TSHZ2: variants seen among roughly 807,000 people sequenced by gnomAD.
TSHZ2 encodes the protein teashirt zinc finger homeobox 2.
Under a neutral mutation model 74.4 loss-of-function variants are expected in TSHZ2, and 21 were observed. That is an observed-to-expected ratio of 0.28 (90% CI 0.20 to 0.41). The LOEUF (loss-of-function observed/expected upper bound fraction) is 0.41, where lower values mean the gene tolerates loss of function less well. TSHZ2 is among the 10% of genes least tolerant of loss of function. The pLI, the probability that TSHZ2 is intolerant of heterozygous loss-of-function variation, is 1.00. For synonymous variants in TSHZ2, 540 were observed against 515.3 expected, an observed-to-expected ratio of 1.05 and a Z score of -0.65; for missense variants, 1,244 against 1,293.5, an observed-to-expected ratio of 0.96 and a Z score of 0.59.
intron 2 of TSHZ2, among the ~76,000 whole-genome samples, chr20:53,379,483 G>A (rs528009929): frequency 2.6e-5 from 4 of 152,052 alleles, no homozygotes; most frequent in East Asian, 1.9e-4. Flanking sequence ...TTTGAGTCAC[G>A]GAAAATAACC....
At chr20:53,140,444 G>A (rs1397059908) in intron 1 of TSHZ2, among the ~76,000 whole-genome samples, 3 of 150,892 alleles carry the variant, frequency 2.0e-5, no homozygotes, top group Admixed American at 2.0e-4. Flanking sequence ...GGAGGCTGAG[G>A]CAGGAGAATG....
At chr20:53,444,765 G>C (rs1227087526) in intron 2 of TSHZ2, among the ~76,000 whole-genome samples, 1 of 152,164 alleles carries the variant, frequency 6.6e-6, no homozygotes, top group Non-Finnish European at 1.5e-5. Flanking sequence ...AGGGTGGTCT[G>C]CTTGGACAGC....
intron 1 of TSHZ2, among the ~76,000 whole-genome samples, chr20:53,051,841 A>G (rs1279585887): frequency 3.3e-5 from 5 of 152,232 alleles, no homozygotes; most frequent in African/African-American, 1.2e-4. Flanking sequence ...AATCAAAAGA[A>G]AGGTGCGAAC....
intron 2 of TSHZ2, among the ~76,000 whole-genome samples, chr20:53,280,516 C>G (rs1222407151): frequency 6.6e-6 from 1 of 152,162 alleles, no homozygotes; most frequent in Non-Finnish European, 1.5e-5. Flanking sequence ...AGAGGGGGAT[C>G]GGTGACCTGG....
intron 1 of TSHZ2, among the ~76,000 whole-genome samples, chr20:53,052,489 A>C (rs556193858): frequency 6.6e-6 from 1 of 151,940 alleles, no homozygotes; most frequent in East Asian, 1.9e-4. Flanking sequence ...TTCATCCCAA[A>C]CCTCCTTCCT....
Position 53,181,659 on chromosome 20 carries a change from C to T in TSHZ2, c.41-71840C>T, listed in dbSNP as rs557551727. Among the ~76,000 whole-genome samples, 25 of 152,178 alleles carry T rather than the reference C, an allele frequency of 1.6e-4. No individual in the cohort carries two copies. In the South Asian group the frequency reaches 3.7e-3, roughly 23 times the overall value. On this transcript the variant is annotated intron_variant, in intron 1 of 2. Transcript: ENST00000371497. Reference sequence around the variant, plus strand: ...ATCCCAGCACTTTGGGAGGCCGAGGCGGGCAGATCACGAGGTCAGGAGATT... The same window carrying T: ...ATCCCAGCACTTTGGGAGGCCGAGGTGGGCAGATCACGAGGTCAGGAGATT...
chr20:53,311,035 C>T (rs1046959078), intron 2 of TSHZ2, among the ~76,000 whole-genome samples: 4 of 152,146 alleles, frequency 2.6e-5, no homozygotes, highest in Admixed American at 1.3e-4. Flanking sequence ...GTGGGGTAGA[C>T]CATTGTGCTG....
chr20:53,344,810 C>T (rs1980372214), intron 2 of TSHZ2, among the ~76,000 whole-genome samples: 1 of 152,176 alleles, frequency 6.6e-6, no homozygotes, highest in Admixed American at 6.5e-5. Context: ...ACTTTCTCCC[C>T]TGCACAATAG....
chr20:53,001,205 C>CGTGCGT (rs1555813535), intron 1 of TSHZ2, among the ~76,000 whole-genome samples: 4 of 94,192 alleles, frequency 4.2e-5, no homozygotes, highest in Non-Finnish European at 7.0e-5. Context: ...CGTTCATGTG[C>CGTGCGT]GTGTGTGTGT....
rs867262796 is a variant in TSHZ2 at position 53,144,715 on chromosome 20, G to A, written c.41-108784G>A. 5.3e-5 allele frequency among the ~76,000 whole-genome samples: 8 copies of A among 152,172 alleles called. No individual in the cohort carries two copies. The East Asian group carries it at 9.6e-4, about 18-fold the overall frequency. On this transcript the variant is annotated intron_variant, in intron 1 of 2. Coordinates refer to ENST00000371497, the MANE Select transcript of TSHZ2 (RefSeq NM_173485.6). ...ATTTGAACCCACACAGTCTGACTCCGGAGCTGTGCTCCAAATACTATATAT... is the reference window on the plus strand; with the variant it reads ...ATTTGAACCCACACAGTCTGACTCCAGAGCTGTGCTCCAAATACTATATAT...
At chr20:53,478,693 T>C (rs1010536867) in intron 2 of TSHZ2, among the ~76,000 whole-genome samples, 23 of 147,666 alleles carry the variant, frequency 1.6e-4, no homozygotes, top group African/African-American at 5.8e-4. Context: ...ATAAATAAAT[T>C]TAGTTATCAG....
intron 2 of TSHZ2, among the ~76,000 whole-genome samples, chr20:53,347,323 T>A (rs772565989): frequency 2.6e-5 from 4 of 152,142 alleles, no homozygotes; most frequent in Non-Finnish European, 5.9e-5. Flanking sequence ...TTTTGCCAGA[T>A]GTGTCCTGGG....
chr20:53,203,581 T>G (rs147334052), intron 1 of TSHZ2, among the ~76,000 whole-genome samples: 1 of 151,926 alleles, frequency 6.6e-6, no homozygotes, highest in African/African-American at 2.4e-5. Flanking sequence ...GGCTAAGAAG[T>G]GGGTGGGATG....
rs1302576691 is a variant in TSHZ2 at position 53,254,660 on chromosome 20, T to G, written c.1202T>G (p.Val401Gly). The G allele has an allele frequency of 6.2e-7, 1 of 1,613,994 alleles. No homozygotes were observed. The highest frequency in any genetic ancestry group is 8.5e-7 in the Non-Finnish European group (1 of 1,180,024). Residue 401 changes from valine to glycine, a missense_variant, in exon 2 of 3, where the codon GTC (valine) becomes GGC (glycine). Val to Gly is a moderately radical substitution (Grantham distance 109). Coordinates refer to ENST00000371497, the MANE Select transcript of TSHZ2 (RefSeq NM_173485.6). ...CAGCAGCTCACCACCCACATGATGG[T>G]CACAGGTCACTTTCTCAAGGTCACC... ...TLQQLTTHMM[V>G]TGHFLKVTSS...
intron 1 of TSHZ2, among the ~76,000 whole-genome samples, chr20:53,118,914 G>A (rs1170199746): frequency 6.6e-6 from 1 of 152,216 alleles, no homozygotes; most frequent in Non-Finnish European, 1.5e-5. Context: ...CATGGCAGAA[G>A]ATGAAGGGGG....
At chr20:53,252,841 T>A (rs1230517077) in intron 1 of TSHZ2, among the ~76,000 whole-genome samples, 1 of 152,208 alleles carries the variant, frequency 6.6e-6, no homozygotes, top group East Asian at 1.9e-4. Flanking sequence ...TTTCAAGTCA[T>A]TATATTTGCT....
At chr20:53,119,573 CTA>C (rs1334562637) in intron 1 of TSHZ2, among the ~76,000 whole-genome samples, 1 of 152,054 alleles carries the variant, frequency 6.6e-6, no homozygotes, top group Non-Finnish European at 1.5e-5. Flanking sequence ...CCCAATGGAG[CTA>C]TGTTTTATGA....
intron 2 of TSHZ2, among the ~76,000 whole-genome samples, chr20:53,433,916 T>A (rs1983943435): frequency 6.6e-6 from 1 of 152,234 alleles, no homozygotes; most frequent in Non-Finnish European, 1.5e-5. Context: ...TTGCCCAGGC[T>A]GGAGTGCAGT....
chr20:53,227,811 A>G (rs557282486), intron 1 of TSHZ2, among the ~76,000 whole-genome samples: 35 of 152,254 alleles, frequency 2.3e-4, no homozygotes, highest in Middle Eastern at 3.4e-3. Context: ...TCAGAGCTAT[A>G]TCAGTACTGA....
Sources: gnomAD v4.1 joint callset for allele counts (sites outside exome capture counted in the v4.1 genomes callset) on GRCh38, gnomAD v4.1.1 for gene constraint, MANE v1.5 for transcripts, NCBI Gene and HGNC (gene_info 2026-07-23, HGNC 2026-07-21) for gene names.